Variants in REV3L observed in about 807,000 individuals in gnomAD.
REV3L encodes the protein DNA polymerase zeta catalytic subunit.
A neutral mutation model predicts 299.4 loss-of-function variants in REV3L; 69 were observed. The ratio of observed to expected loss-of-function variants is 0.23; its 90% CI spans 0.19 to 0.28. The LOEUF is 0.28. Among genes scored for constraint, REV3L ranks in the 10% least tolerant of loss-of-function variants. The pLI, the probability that REV3L is intolerant of heterozygous loss-of-function variation, is 1.00. For missense variants in REV3L, 3,128 were observed against 3,693.8 expected, an observed-to-expected ratio of 0.85 and a Z score of 3.97; for synonymous variants, 1,238 against 1,271.4, an observed-to-expected ratio of 0.97 and a Z score of 0.56.
At chr6:111,395,865 T>C (rs114428210) in intron 4 of REV3L, among the ~76,000 whole-genome samples, 4,577 of 152,284 alleles carry the variant, frequency 0.03, 79 homozygotes, top group South Asian at 0.078. Context: ...ATGATCCTTC[T>C]ATGATTAACT....
chr6:111,378,913 T>C (rs1780565280), intron 11 of REV3L, among the ~76,000 whole-genome samples: 1 of 152,230 alleles, frequency 6.6e-6, no homozygotes, highest in Admixed American at 6.5e-5. Flanking sequence ...TTCCCTTTCC[T>C]TTTTCAGTAT....
chr6:111,315,224 A>G lies in REV3L; in HGVS notation c.8466+43T>C, dbSNP rs201210777. 231 of 1,408,910 alleles carry G rather than the reference A, an allele frequency of 1.6e-4. 1 individual carries two copies. Among genetic ancestry groups the G allele is most frequent in the Non-Finnish European group, 2.3e-4 (229 of 1,004,770 alleles). 87.3% of individuals were successfully genotyped at this position (1,408,910 alleles called of 1,614,324 possible). A position where few individuals can be genotyped will look rare whatever the true frequency, so the allele number is the denominator to read the frequency against. On this transcript the variant is annotated intron_variant, in intron 27 of 31. Transcript: ENST00000368802. The stretch of plus-strand genomic sequence containing the variant: ...AACAAATCAGAGGTCTCTAGAAGGT[A>G]TATGAATTTTATATGTAATTACTAA...
chr6:111,345,895 T>C (rs1324838124), intron 20 of REV3L, among the ~76,000 whole-genome samples: 1 of 152,032 alleles, frequency 6.6e-6, no homozygotes, highest in African/African-American at 2.4e-5. Context: ...CTAACCCAAA[T>C]CTCAAATGGG....
chr6:111,389,148 T>C lies in REV3L; in HGVS notation c.820A>G (p.Asn274Asp). The C allele has an allele frequency of 6.2e-7, 1 of 1,614,028 alleles. No homozygotes were observed. The highest frequency in any genetic ancestry group is 8.5e-7 in the Non-Finnish European group (1 of 1,179,938). The change falls in exon 7 of 32, where the codon AAC becomes GAC. Residue 274 changes from asparagine to aspartate, a missense_variant. Coordinates refer to ENST00000368802, the MANE Select transcript of REV3L (RefSeq NM_001372078.1). ...IWEDEKQRRR[N>D]RNETSQMSQP... ...CTCATTTGAGAAGTTTCATTTCTGT[T>C]TCTTCGCCGTTGCTTTTCATCTTCC... is the stretch of plus-strand genomic sequence containing the variant.
Position 111,374,808 on chromosome 6 carries a change from T to C in REV3L, c.3547A>G (p.Asn1183Asp), listed in dbSNP as rs1780136490. The C allele has an allele frequency of 1.2e-6, 2 of 1,612,988 alleles. No individual in the cohort carries two copies. The highest frequency in any genetic ancestry group is 3.3e-5 in the Admixed American group (2 of 59,796). Residue 1183 changes from asparagine (N) to aspartate (D), a missense_variant, in exon 13 of 32, where the codon AAT becomes GAT. Around this residue, in one of 9 missense-constraint regions of REV3L, gnomAD observed 2,409 missense variants for 2,611.8 expected, o/e 0.92. Coordinates refer to ENST00000368802, the MANE Select transcript of REV3L (RefSeq NM_001372078.1). ...CTTTTCTTAGTAACTATAGAGGGAT[T>C]AGCAAGCTTTGCTTTTGATTTCTTA... is the stretch of plus-strand genomic sequence containing the variant. ...QIKKSKAKLA[N>D]PSIVTKKRNK...
intron 25 of REV3L, among the ~76,000 whole-genome samples, chr6:111,323,672 G>A (rs917503989): frequency 1.3e-5 from 2 of 152,086 alleles, no homozygotes; most frequent in African/African-American, 4.8e-5. Context: ...GTAAATTAAG[G>A]AGACTATATA....
chr6:111,342,406 T>C (rs1158426963), intron 21 of REV3L, among the ~76,000 whole-genome samples: 4 of 152,024 alleles, frequency 2.6e-5, no homozygotes, highest in Non-Finnish European at 5.9e-5. Flanking sequence ...CGGTGGCTCA[T>C]GCCTGTAATC....
At position 111,368,147 on chromosome 6, in the gene REV3L, C is replaced by T. The variant is rs1330529792; in HGVS notation, c.5760-119G>A. 1.3e-5 allele frequency: 10 copies of T among 789,408 alleles called. 1 individual carries two copies. Among genetic ancestry groups the T allele is most frequent in the Non-Finnish European group, 2.0e-5 (10 of 509,186 alleles). The allele number at this position is 789,408 out of a possible 1,614,324, so 48.9% of individuals were successfully genotyped here. ...CTCAAAAATGTCCATGTCTATCTTC[C>T]CTGCCCCCTCTATATTGTGCAGGTA... On this transcript the variant is annotated intron_variant, in intron 13 of 31. Transcript: ENST00000368802.
chr6:111,309,663 G>A, intron 30 of REV3L, 190 bp downstream of exon 30: 1 of 517,548 alleles, frequency 1.9e-6, no homozygotes, highest in Non-Finnish European at 3.2e-6. Context: ...TGTGGGGGTG[G>A]AGCCCTAGCC....
chr6:111,437,252 A>G (rs1787663553), intron 1 of REV3L, among the ~76,000 whole-genome samples: 1 of 152,170 alleles, frequency 6.6e-6, no homozygotes. Flanking sequence ...GTCTAAGAGA[A>G]ATGAAAATAC....
At chr6:111,470,247 C>A (rs1455706692) in intron 1 of REV3L, among the ~76,000 whole-genome samples, 1 of 152,112 alleles carries the variant, frequency 6.6e-6, no homozygotes, top group East Asian at 1.9e-4. Context: ...GTCACTGTCA[C>A]ATCTCAATAA....
chr6:111,313,869 G>C (rs1294132798), intron 27 of REV3L, among the ~76,000 whole-genome samples: 3 of 152,186 alleles, frequency 2.0e-5, no homozygotes, highest in Non-Finnish European at 2.9e-5. Flanking sequence ...TGTGCAGAAT[G>C]ATTGCAGCCC....
At chr6:111,343,835 A>G in intron 21 of REV3L, 90 bp downstream of exon 21, 1 of 948,668 alleles carries the variant, frequency 1.1e-6, no homozygotes, top group Non-Finnish European at 1.6e-6. Context: ...TGGCCTGAAC[A>G]ATACACTTTA....
At chr6:111,386,717 ATTTTTTTTTT>A (rs67124715) in intron 9 of REV3L, among the ~76,000 whole-genome samples, 2 of 97,674 alleles carry the variant, frequency 2.0e-5, no homozygotes, top group Non-Finnish European at 4.0e-5. Flanking sequence ...TAACAGCACT[ATTTTTTTTTT>A]TTTTTTTTTT....
chr6:111,408,912 T>G (rs1190259542), intron 3 of REV3L, among the ~76,000 whole-genome samples: 6 of 152,094 alleles, frequency 3.9e-5, no homozygotes, highest in Non-Finnish European at 8.8e-5. Context: ...CTCAAACTCC[T>G]GACCTCACGT....
intron 2 of REV3L, among the ~76,000 whole-genome samples, chr6:111,415,944 C>T (rs557923998): frequency 2.0e-5 from 3 of 152,100 alleles, no homozygotes; most frequent in African/African-American, 7.2e-5. Context: ...GGGCAGGGCT[C>T]TTTGTTTTGT....
intron 20 of REV3L, 58 bp from the exon 21 acceptor site, chr6:111,344,101 G>T: frequency 8.5e-7 from 1 of 1,182,818 alleles, no homozygotes; most frequent in Non-Finnish European, 1.2e-6. Flanking sequence ...AGCAAATTTG[G>T]TTCTAAAAGA....
intron 24 of REV3L, chr6:111,330,330 T>C (rs760151200): frequency 2.2e-6 from 1 of 451,846 alleles, no homozygotes; most frequent in East Asian, 7.0e-5. Context: ...AGGGGATGAA[T>C]AGTGAGGTGA....
intron 25 of REV3L, 60 bp from the exon 26 acceptor site, chr6:111,322,738 C>T (rs1774323961): frequency 8.7e-7 from 1 of 1,149,424 alleles, no homozygotes; most frequent in African/African-American, 1.5e-5. Context: ...AGTTAACAGA[C>T]TTTAACATAT....
Sources: allele counts gnomAD v4.1 joint callset (sites outside exome capture counted in the v4.1 genomes callset), GRCh38; gene constraint gnomAD v4.1.1; regional missense constraint gnomAD v4.1.1; transcripts MANE v1.5; gene names NCBI Gene and HGNC (gene_info 2026-07-23, HGNC 2026-07-21).